Variants in RASA1 observed in about 807,000 individuals in gnomAD.
The protein encoded by RASA1 is RAS p21 protein activator 1.
In RASA1, 25 loss-of-function variants were observed where a neutral mutation model predicts 132.2. The observed-to-expected ratio is 0.19, with a 90% CI of 0.14 to 0.26. The LOEUF is 0.26. Among genes scored for constraint, RASA1 ranks in the 10% least tolerant of loss-of-function variants. RASA1 has a pLI of 1.00. For synonymous variants in RASA1, 477 were observed against 449.9 expected, an observed-to-expected ratio of 1.06 and a Z score of -0.76; for missense variants, 964 against 1,299.2, an observed-to-expected ratio of 0.74 and a Z score of 3.97.
At chr5:87,335,833 T>A (rs566234245) in intron 4 of RASA1, among the ~76,000 whole-genome samples, 104 of 152,320 alleles carry the variant, frequency 6.8e-4, no homozygotes, top group African/African-American at 2.5e-3. Flanking sequence ...TACAAAATTA[T>A]GCATGGGTAA....
At position 87,368,305 on chromosome 5, in the gene RASA1, A is replaced by AT. The variant is rs1052596690; in HGVS notation, c.1611-1501dup. 3.3e-5 allele frequency among the ~76,000 whole-genome samples: 5 copies of AT among 151,982 alleles called. No homozygotes were observed. In the South Asian group the frequency reaches 6.2e-4, roughly 19 times the overall value. ...ACATTTTTTTCAATTTAGAATTTCC[A>AT]TTTTTTTAAAGATACAGTTTCTGGC... On this transcript the variant is annotated intron_variant, in intron 11 of 24. Coordinates refer to ENST00000274376, the MANE Select transcript of RASA1 (RefSeq NM_002890.3).
chr5:87,325,398 G>T (rs148894598), intron 1 of RASA1, among the ~76,000 whole-genome samples: 1 of 152,324 alleles, frequency 6.6e-6, no homozygotes, highest in African/African-American at 2.4e-5. Flanking sequence ...ATAAATATGG[G>T]AGCTTAAGAA....
intron 16 of RASA1, 95 bp downstream of exon 16, chr5:87,376,660 A>G: frequency 7.0e-7 from 1 of 1,434,058 alleles, no homozygotes; most frequent in Non-Finnish European, 9.7e-7. Context: ...AGTAATTCAT[A>G]GCTTAGTAGC....
At chr5:87,282,965 C>A (rs1754383600) in intron 1 of RASA1, among the ~76,000 whole-genome samples, 1 of 152,028 alleles carries the variant, frequency 6.6e-6, no homozygotes, top group Admixed American at 6.5e-5. Flanking sequence ...ACGTACTCAG[C>A]ATTTTTTTTG....
At chr5:87,291,935 C>A (rs185352448) in intron 1 of RASA1, among the ~76,000 whole-genome samples, 63 of 152,294 alleles carry the variant, frequency 4.1e-4, no homozygotes, top group Non-Finnish European at 8.5e-4. Flanking sequence ...TGATATTGAA[C>A]ATCTTTTCAT....
intron 23 of RASA1, among the ~76,000 whole-genome samples, chr5:87,388,197 A>T (rs1162063207): frequency 6.6e-6 from 1 of 152,146 alleles, no homozygotes; most frequent in African/African-American, 2.4e-5. Context: ...GCAAATATGG[A>T]GTCTTTCATC....
At chr5:87,383,118 A>G (rs1260900419) in intron 20 of RASA1, among the ~76,000 whole-genome samples, 4 of 152,038 alleles carry the variant, frequency 2.6e-5, no homozygotes, top group African/African-American at 9.7e-5. Context: ...AAAAAGGAAA[A>G]AAGAAAACCT....
chr5:87,383,186 C>T (rs955215744), intron 20 of RASA1, among the ~76,000 whole-genome samples: 2 of 152,100 alleles, frequency 1.3e-5, no homozygotes, highest in African/African-American at 4.8e-5. Flanking sequence ...TTCTCTAGTG[C>T]AATGGATTCT....
In RASA1 at chr5:87,286,039, G is replaced by A. The variant is rs7341073; in HGVS notation, c.539+17049G>A. The stretch of plus-strand genomic sequence containing the variant: ...TTATTTTGTGATGGAGTTTCGCTCT[G>A]TAGCCCAGGCTGGAGTGCAGTGGCA... On this transcript the variant is annotated intron_variant, in intron 1 of 24. Coordinates refer to ENST00000274376, the MANE Select transcript of RASA1 (RefSeq NM_002890.3). Among the ~76,000 whole-genome samples the A allele has an allele frequency of 7.0e-3, 1,064 of 151,988 alleles. 4 individuals carry two copies. Among genetic ancestry groups the A allele is most frequent in the African/African-American group, 0.016 (677 of 41,452 alleles).
At position 87,376,568 on chromosome 5, in the gene RASA1, A is replaced by G; in HGVS notation, c.2184+3A>G. 1 of 1,611,082 alleles carries G rather than the reference A, an allele frequency of 6.2e-7. No homozygotes were observed. Among genetic ancestry groups the G allele is most frequent in the Non-Finnish European group, 8.5e-7 (1 of 1,177,322 alleles). ...AAGAGTACAGTGAATTTAAAGAGGTATTAAATTATTTATCAGTCTTGTTTT... is the reference window on the plus strand; with the variant it reads ...AAGAGTACAGTGAATTTAAAGAGGTGTTAAATTATTTATCAGTCTTGTTTT... On this transcript the variant is annotated splice_donor_region_variant and intron_variant, in intron 16 of 24. Transcript: ENST00000274376.
At chr5:87,287,391 T>G (rs970273523) in intron 1 of RASA1, among the ~76,000 whole-genome samples, 1 of 145,776 alleles carries the variant, frequency 6.9e-6, no homozygotes, top group Non-Finnish European at 1.5e-5. Context: ...ACACCATATA[T>G]ATACCATATA....
At chr5:87,296,517 A>G (rs957514335) in intron 1 of RASA1, among the ~76,000 whole-genome samples, 3 of 152,150 alleles carry the variant, frequency 2.0e-5, no homozygotes, top group Non-Finnish European at 4.4e-5. Context: ...CAAGTCTTCA[A>G]TTTTTGTTTG....
chr5:87,354,204 G>A (rs1318661467), intron 9 of RASA1, among the ~76,000 whole-genome samples: 1 of 152,018 alleles, frequency 6.6e-6, no homozygotes, highest in East Asian at 1.9e-4. Flanking sequence ...TCATAATCTT[G>A]TCACATTTTA....
intron 1 of RASA1, among the ~76,000 whole-genome samples, chr5:87,274,543 A>G (rs1253279239): frequency 6.6e-6 from 1 of 152,166 alleles, no homozygotes; most frequent in Non-Finnish European, 1.5e-5. Context: ...GCAGAGAAAT[A>G]TAGTAGGTGC....
intron 1 of RASA1, among the ~76,000 whole-genome samples, chr5:87,283,145 TG>T (rs1478245282): frequency 3.1e-3 from 443 of 142,890 alleles, no homozygotes; most frequent in African/African-American, 0.01. Flanking sequence ...GTTTTTTTTT[TG>T]TGTTTTTTTT....
In RASA1 at chr5:87,349,331, A is replaced by G. The variant is rs764511293; in HGVS notation, c.1220A>G (p.Asn407Ser). The change falls in exon 8 of 25, where the codon AAT becomes AGT. Residue 407 changes from asparagine to serine, a missense_variant. Coordinates refer to ENST00000274376, the MANE Select transcript of RASA1 (RefSeq NM_002890.3). ...TTTAAAATATGTCCAACGCCAAACAATCAGTTTATGATGGGAGGCCGGTAT... is the reference window on the plus strand; with the variant it reads ...TTTAAAATATGTCCAACGCCAAACAGTCAGTTTATGATGGGAGGCCGGTAT... ...QRFKICPTPN[N>S]QFMMGGRYYN... The G allele has an allele frequency of 1.9e-6, 3 of 1,611,920 alleles. No homozygotes were observed. Among genetic ancestry groups the G allele is most frequent in the South Asian group, 1.1e-5 (1 of 91,020 alleles).
chr5:87,292,596 C>T (rs150974080), intron 1 of RASA1, among the ~76,000 whole-genome samples: 106 of 152,104 alleles, frequency 7.0e-4, no homozygotes, highest in African/African-American at 2.0e-3. Context: ...AGTGTCAATC[C>T]CTCCGACTTT....
Position 87,332,493 on chromosome 5 carries a change from T to C in RASA1, c.693-14T>C, listed in dbSNP as rs1757676097. The C allele has an allele frequency of 6.2e-7, 1 of 1,601,766 alleles. No homozygotes were observed. The highest frequency in any genetic ancestry group is 8.5e-7 in the Non-Finnish European group (1 of 1,170,278). On this transcript the variant is annotated splice_polypyrimidine_tract_variant and intron_variant, in intron 2 of 24. Transcript: ENST00000274376. ...AAAGATTTTTTTATACTGTATTTTT[T>C]CCTGTTCAAATAGGATTATTGCTAT...
At chr5:87,302,871 G>T (rs773490985) in intron 1 of RASA1, among the ~76,000 whole-genome samples, 8 of 151,920 alleles carry the variant, frequency 5.3e-5, no homozygotes, top group Non-Finnish European at 1.0e-4. Context: ...GAGGTTTTTG[G>T]AGTCATGTTT....
Sources: allele counts gnomAD v4.1 joint callset (sites outside exome capture counted in the v4.1 genomes callset), GRCh38; gene constraint gnomAD v4.1.1; transcripts MANE v1.5; gene names NCBI Gene and HGNC (gene_info 2026-07-23, HGNC 2026-07-21).